The following TSPEAR variants were observed in gnomAD, a reference collection of about 807,000 sequenced individuals.
TSPEAR encodes the protein thrombospondin type laminin G domain and EAR repeats.
A neutral mutation model predicts 71.6 loss-of-function variants in TSPEAR; 69 were observed. That is an observed-to-expected ratio of 0.96 (90% CI 0.79 to 1.18). The LOEUF (loss-of-function observed/expected upper bound fraction) is 1.18. TSPEAR is among the 50% of genes most tolerant of loss of function. The probability of loss-of-function intolerance (pLI) is 0.00; values close to 1 mark genes in which losing one functional copy is unlikely to be tolerated. For missense variants in TSPEAR, 971 were observed against 894.9 expected, an observed-to-expected ratio of 1.09 and a Z score of -1.09; for synonymous variants, 402 against 387.2, an observed-to-expected ratio of 1.04 and a Z score of -0.45.
intron 1 of TSPEAR, chr21:44,591,175 G>C (rs966004966): frequency 1.8e-5 from 15 of 855,872 alleles, no homozygotes; most frequent in Middle Eastern, 7.3e-4. Context: ...AGGCCTGCTG[G>C]GGGTTAGTTC....
rs1036216802 is a variant in TSPEAR, at chr21:44,710,396, G to T, written c.82+1037C>A. Among the ~76,000 whole-genome samples the T allele has an allele frequency of 2.7e-5, 4 of 150,940 alleles. No individual in the cohort carries two copies. Among genetic ancestry groups the T allele is most frequent in the African/African-American group, 9.8e-5 (4 of 40,630 alleles). ...GAGGCACAGCCATCCGTCCCTGGGT[G>T]GGCAGGCACGTTTATGACCCCCACC... On this transcript the variant is annotated intron_variant, in intron 1 of 11. Transcript: ENST00000323084. This position sits in a 1 kb window ranked among gnomAD's most constrained non-coding sequence, Gnocchi z 4.6.
At chr21:44,702,516 T>G (rs1471233788) in intron 1 of TSPEAR, 1 of 1,608,194 alleles carries the variant, frequency 6.2e-7, no homozygotes, top group African/African-American at 1.3e-5. Context: ...CCGTCTGCTG[T>G]GTGCCTGTCT....
chr21:44,695,691 C>T lies in TSPEAR; in HGVS notation c.82+15742G>A, dbSNP rs147836126. ...AGCCAGGATATGAATATTTACACCA[C>T]GGATGACAGCTAACACTCCACGCCA... On this transcript the variant is annotated intron_variant, in intron 1 of 11. Coordinates refer to ENST00000323084, the MANE Select transcript of TSPEAR (RefSeq NM_144991.3). This position sits in a 1 kb window ranked among gnomAD's most constrained non-coding sequence, Gnocchi z 4.5. Among the ~76,000 whole-genome samples, 302 of 152,306 alleles carry T rather than the reference C, an allele frequency of 2.0e-3. No homozygotes were observed. Among genetic ancestry groups the T allele is most frequent in the African/African-American group, 6.6e-3 (274 of 41,554 alleles).
intron 1 of TSPEAR, among the ~76,000 whole-genome samples, chr21:44,640,980 G>A (rs1042204589): frequency 4.6e-5 from 7 of 152,114 alleles, no homozygotes; most frequent in East Asian, 1.9e-4. Context: ...AAGAGGCCAC[G>A]CCCCAGGAAG....
rs781892182 is a variant in TSPEAR, at chr21:44,533,703, C to A, written c.524G>T (p.Cys175Phe). The A allele has an allele frequency of 3.7e-5, 60 of 1,609,248 alleles. No homozygotes were observed. Among genetic ancestry groups the A allele is most frequent in the Non-Finnish European group, 4.7e-5 (55 of 1,177,738 alleles). ...SAGVFSLTTD[C>F]GLPVDIMADV... ...TACCTACATGTCCACCGGGAGGCCG[C>A]AGTCCGTGGTGAGGGAGAAGACGCC... The change falls in exon 3 of 12, where the codon TGC (cysteine) becomes TTC (phenylalanine). Residue 175 changes from cysteine to phenylalanine, a missense_variant. Cys to Phe is a radical substitution (Grantham distance 205, BLOSUM62 -2). Coordinates refer to ENST00000323084, the MANE Select transcript of TSPEAR (RefSeq NM_144991.3).
rs782611710 is a variant in TSPEAR, at chr21:44,646,589, G to C, written c.82+64844C>G. ...TGCTGCGCCCCGGCCCCCTCCCTGA[G>C]CCTGGTCTGCACCCCAGTGAGCTGT... On this transcript the variant is annotated intron_variant, in intron 1 of 11. Coordinates refer to ENST00000323084, the MANE Select transcript of TSPEAR (RefSeq NM_144991.3). The C allele has an allele frequency of 1.9e-5, 30 of 1,612,462 alleles. No homozygotes were observed. The highest frequency in any genetic ancestry group is 1.1e-4 in the East Asian group (5 of 44,874).
intron 1 of TSPEAR, among the ~76,000 whole-genome samples, chr21:44,671,702 CTT>C (rs2146282772): frequency 6.6e-6 from 1 of 152,272 alleles, no homozygotes; most frequent in South Asian, 2.1e-4. Context: ...AGGAAAAAGT[CTT>C]CTCATAAAAA....
At chr21:44,591,271 GA>G in intron 1 of TSPEAR, 1 of 1,474,918 alleles carries the variant, frequency 6.8e-7, no homozygotes, top group Non-Finnish European at 9.0e-7. Flanking sequence ...TGGTCCCTAA[GA>G]CAAAGAGCCT....
In TSPEAR at chr21:44,646,575, G is replaced by A. The variant is rs201708271; in HGVS notation, c.82+64858C>T. On this transcript the variant is annotated intron_variant, in intron 1 of 11. Coordinates refer to ENST00000323084, the MANE Select transcript of TSPEAR (RefSeq NM_144991.3). ...GCAGCGCCCCCAGCTGCTGCGCCCC[G>A]GCCCCCTCCCTGAGCCTGGTCTGCA... 2.7e-3 allele frequency: 4,278 copies of A among 1,612,200 alleles called. 10 individuals carry two copies. The highest frequency in any genetic ancestry group is 2.9e-3 in the Non-Finnish European group (3,462 of 1,179,832).
intron 2 of TSPEAR, among the ~76,000 whole-genome samples, chr21:44,563,089 A>G (rs2053659827): frequency 6.6e-6 from 1 of 152,182 alleles, no homozygotes; most frequent in South Asian, 2.1e-4. Flanking sequence ...ATAATAATAC[A>G]AAGGAGGTAC....
At chr21:44,673,648 T>A (rs782357121) in intron 1 of TSPEAR, among the ~76,000 whole-genome samples, 8 of 152,198 alleles carry the variant, frequency 5.3e-5, no homozygotes, top group Non-Finnish European at 1.0e-4. Context: ...ATCTAACAGC[T>A]GCAGAATACA....
rs1475839987 is a variant in TSPEAR, at chr21:44,623,677, TC to T, written c.83-55673del. Among the ~76,000 whole-genome samples, 3 of 152,234 alleles carry T rather than the reference TC, an allele frequency of 2.0e-5. No individual in the cohort carries two copies. Among genetic ancestry groups the T allele is most frequent in the African/African-American group, 4.8e-5 (2 of 41,462 alleles). ...CTGTCCTCATTTTTGAGGATCTTCT[TC>T]CCAGGTGTAGAATTCTAGCTTGGTG... On this transcript the variant is annotated intron_variant, in intron 1 of 11. Coordinates refer to ENST00000323084, the MANE Select transcript of TSPEAR (RefSeq NM_144991.3). This position sits in a 1 kb window ranked among gnomAD's most constrained non-coding sequence, Gnocchi z 4.5.
At chr21:44,558,076 A>C in intron 2 of TSPEAR, 1 of 1,610,882 alleles carries the variant, frequency 6.2e-7, no homozygotes, top group Non-Finnish European at 8.5e-7. Context: ...TGGCCTGAGG[A>C]GAGGCCGCAG....
intron 1 of TSPEAR, among the ~76,000 whole-genome samples, chr21:44,604,497 T>C (rs1981186117): frequency 6.6e-6 from 1 of 152,116 alleles, no homozygotes; most frequent in African/African-American, 2.4e-5. Context: ...ATGTCAAAGA[T>C]AAGATAATGA....
chr21:44,578,969 C>A (rs1180194919), intron 1 of TSPEAR, among the ~76,000 whole-genome samples: 1 of 152,222 alleles, frequency 6.6e-6, no homozygotes, highest in Non-Finnish European at 1.5e-5. Flanking sequence ...CATCCATCCA[C>A]CCACTCCATG....
chr21:44,676,350 C>T, intron 1 of TSPEAR: 2 of 1,137,388 alleles, frequency 1.8e-6, no homozygotes, highest in Non-Finnish European at 2.7e-6. Context: ...CTTTGATGGC[C>T]TCAACTGCAC....
At chr21:44,677,544 A>G in intron 1 of TSPEAR, 1 of 846,178 alleles carries the variant, frequency 1.2e-6, no homozygotes, top group Non-Finnish European at 2.0e-6. Context: ...TCGTTCCCTT[A>G]TAGAAGATGA....
At chr21:44,705,818 GC>G (rs1987883877) in intron 1 of TSPEAR, among the ~76,000 whole-genome samples, 1 of 151,474 alleles carries the variant, frequency 6.6e-6, no homozygotes, top group African/African-American at 2.4e-5. Context: ...GCCTCCACTG[GC>G]CTTGTGATAT....
intron 1 of TSPEAR, among the ~76,000 whole-genome samples, chr21:44,625,429 C>T (rs1601499379): frequency 3.3e-5 from 5 of 152,170 alleles, no homozygotes; most frequent in Admixed American, 2.6e-4. Context: ...CTGGTCTCTA[C>T]AAAAAAAATT....
Sources: allele counts gnomAD v4.1 joint callset (sites outside exome capture counted in the v4.1 genomes callset), GRCh38; gene constraint gnomAD v4.1.1; non-coding constraint Gnocchi (gnomAD v3.1); transcripts MANE v1.5; gene names NCBI Gene and HGNC (gene_info 2026-07-23, HGNC 2026-07-21).